ANK2: variants seen among roughly 807,000 people sequenced by gnomAD.
ANK2 encodes the protein ankyrin 2.
Under a neutral mutation model 360.5 loss-of-function variants are expected in ANK2, and 83 were observed. The observed-to-expected ratio is 0.23, with a 90% CI of 0.19 to 0.28. The LOEUF is 0.28. Ranked by LOEUF, ANK2 falls within the 10% of genes least tolerant of loss-of-function variation. ANK2 has a pLI of 1.00. For missense variants in ANK2, 4,201 were observed against 4,795.7 expected, an observed-to-expected ratio of 0.88 and a Z score of 3.66; for synonymous variants, 1,740 against 1,759.5, an observed-to-expected ratio of 0.99 and a Z score of 0.28.
intron 5 of ANK2, among the ~76,000 whole-genome samples, chr4:113,234,622 A>G (rs1438595412): frequency 6.6e-6 from 1 of 152,150 alleles, no homozygotes; most frequent in Non-Finnish European, 1.5e-5. Context: ...TACCTTCTAC[A>G]GTCTTATGTG....
At chr4:112,720,034 A>G in the ANK2 span, among the ~76,000 whole-genome samples, 2 of 152,156 alleles carry the variant, frequency 1.3e-5, no homozygotes, top group African/African-American at 4.8e-5. Flanking sequence ...ACTTATTATC[A>G]TGACTTATTC....
chr4:113,077,657 A>G (rs2080660868), intron 1 of ANK2, among the ~76,000 whole-genome samples: 1 of 152,240 alleles, frequency 6.6e-6, no homozygotes, highest in Admixed American at 6.5e-5. Context: ...TTCCCTGTGC[A>G]TATCTGCCAC....
chr4:112,838,179 G>T (rs910391886), intron 1 of ANK2, among the ~76,000 whole-genome samples: 1 of 152,180 alleles, frequency 6.6e-6, no homozygotes, highest in South Asian at 2.1e-4. Context: ...AGAGCTGATG[G>T]TTTTAAAGTG....
chr4:113,247,037 G>A (rs1042327675), intron 9 of ANK2, among the ~76,000 whole-genome samples: 8 of 151,902 alleles, frequency 5.3e-5, no homozygotes, highest in African/African-American at 1.5e-4. Flanking sequence ...GCAGAGAGGG[G>A]GGAAGATATG....
intron 1 of ANK2, among the ~76,000 whole-genome samples, chr4:112,820,810 G>A (rs1399364376): frequency 6.6e-6 from 1 of 152,134 alleles, no homozygotes; most frequent in Non-Finnish European, 1.5e-5. Flanking sequence ...CATGATCATA[G>A]CTCATGTAAC....
chr4:113,294,207 T>C (rs1414192457), intron 22 of ANK2, among the ~76,000 whole-genome samples: 1 of 152,178 alleles, frequency 6.6e-6, no homozygotes, highest in African/African-American at 2.4e-5. Flanking sequence ...GTAAAGACCA[T>C]GACAATATTG....
chr4:112,958,813 T>TA (rs1304878574), intron 2 of ANK2, among the ~76,000 whole-genome samples: 5 of 152,142 alleles, frequency 3.3e-5, no homozygotes, highest in Admixed American at 6.5e-5. Context: ...TTTGAAATCT[T>TA]AAAAAAATCT....
At chr4:113,199,653 CT>C (rs147781739) in intron 4 of ANK2, among the ~76,000 whole-genome samples, 21 of 150,872 alleles carry the variant, frequency 1.4e-4, no homozygotes, top group Admixed American at 2.0e-4. Flanking sequence ...AGCTTGATCC[CT>C]TTTTTTTTCT....
chr4:112,755,311 G>A, the ANK2 span, among the ~76,000 whole-genome samples: 1 of 152,210 alleles, frequency 6.6e-6, no homozygotes, highest in Non-Finnish European at 1.5e-5. Context: ...ACTGGTAAGG[G>A]CTTCATGGAA....
intron 4 of ANK2, among the ~76,000 whole-genome samples, chr4:113,205,410 A>C (rs1016431320): frequency 6.6e-6 from 1 of 152,016 alleles, no homozygotes; most frequent in African/African-American, 2.4e-5. Flanking sequence ...TCTTATTTTA[A>C]TATCAAGTGA....
At chr4:112,832,452 C>A (rs2060012555) in intron 1 of ANK2, among the ~76,000 whole-genome samples, 1 of 152,178 alleles carries the variant, frequency 6.6e-6, no homozygotes, top group Admixed American at 6.5e-5. Flanking sequence ...ATTTTACAGT[C>A]ACAAAATTAT....
chr4:112,954,074 AG>A (rs1561258548), intron 2 of ANK2, among the ~76,000 whole-genome samples: 1 of 152,196 alleles, frequency 6.6e-6, no homozygotes, highest in African/African-American at 2.4e-5. Context: ...ACAAGATTTT[AG>A]TACCTAATGG....
At chr4:113,038,903 C>G (rs2062223312) in intron 2 of ANK2, among the ~76,000 whole-genome samples, 1 of 152,042 alleles carries the variant, frequency 6.6e-6, no homozygotes, top group Non-Finnish European at 1.5e-5. Context: ...ATCCTCCAGC[C>G]TGAGCTGCCC....
chr4:112,721,618 G>C, the ANK2 span, among the ~76,000 whole-genome samples: 1 of 150,914 alleles, frequency 6.6e-6, no homozygotes, highest in Non-Finnish European at 1.5e-5. Flanking sequence ...GCCTGGAAAA[G>C]GTCTGAGCTT....
At chr4:113,035,683 T>C (rs1375019300) in intron 2 of ANK2, among the ~76,000 whole-genome samples, 1 of 151,762 alleles carries the variant, frequency 6.6e-6, no homozygotes, top group Non-Finnish European at 1.5e-5. Flanking sequence ...AATACAACTG[T>C]CTGGAAATAA....
intron 4 of ANK2, among the ~76,000 whole-genome samples, chr4:113,217,800 C>T (rs2099103592): frequency 6.6e-6 from 1 of 152,186 alleles, no homozygotes; most frequent in African/African-American, 2.4e-5. Context: ...AGTCTCGGTA[C>T]CGAACTGAAT....
chr4:113,205,092 T>C (rs557536975), intron 4 of ANK2, among the ~76,000 whole-genome samples: 51 of 151,808 alleles, frequency 3.4e-4, no homozygotes, highest in Middle Eastern at 3.4e-3. Flanking sequence ...AAAAATTAGC[T>C]GGGCGTAGTG....
chr4:112,781,143 G>A, the ANK2 span, among the ~76,000 whole-genome samples: 1 of 152,082 alleles, frequency 6.6e-6, no homozygotes, highest in Non-Finnish European at 1.5e-5. Flanking sequence ...GGGACTGCAG[G>A]TGCACATCAC....
chr4:113,122,238 A>C (rs893413827), intron 1 of ANK2, among the ~76,000 whole-genome samples: 2 of 151,912 alleles, frequency 1.3e-5, no homozygotes, highest in Non-Finnish European at 2.9e-5. Flanking sequence ...GTGTAGGAGG[A>C]GATTGGACAG....
Sources: allele counts gnomAD v4.1 joint callset (sites outside exome capture counted in the v4.1 genomes callset), GRCh38; gene constraint gnomAD v4.1.1; transcripts MANE v1.5; gene names NCBI Gene and HGNC (gene_info 2026-07-23, HGNC 2026-07-21).